CDC123: variants seen among roughly 807,000 people sequenced by gnomAD.
CDC123 encodes translation initiation factor eIF2 assembly protein.
Under a neutral mutation model 54.4 loss-of-function variants are expected in CDC123, and 37 were observed. The observed-to-expected ratio is 0.68, with a 90% CI of 0.52 to 0.89. The LOEUF is 0.89. Among genes scored for constraint, CDC123 ranks in the 40% least tolerant of loss-of-function variants. CDC123 has a pLI of 0.00. For synonymous variants in CDC123, 144 were observed against 136.8 expected (o/e 1.05, Z -0.37); for missense variants, 361 against 412.1 (o/e 0.88, Z 1.07).
chr10:12,230,475 G>C (rs886218652), intron 6 of CDC123, among the ~76,000 whole-genome samples: 1 of 152,202 alleles, frequency 6.6e-6, no homozygotes, highest in Non-Finnish European at 1.5e-5. Context: ...TTACAGGCAT[G>C]AACCACTGCA....
At chr10:12,214,819 T>A (rs1372373505) in intron 4 of CDC123, among the ~76,000 whole-genome samples, 1 of 152,150 alleles carries the variant, frequency 6.6e-6, no homozygotes, top group Admixed American at 6.5e-5. Flanking sequence ...AGGGAAGAAG[T>A]TGATTACTGG....
At chr10:12,213,273 G>C (rs1835626263) in intron 4 of CDC123, among the ~76,000 whole-genome samples, 1 of 152,218 alleles carries the variant, frequency 6.6e-6, no homozygotes, top group Admixed American at 6.5e-5. Context: ...AACCTTGTCA[G>C]TGATGGGACA....
intron 6 of CDC123, among the ~76,000 whole-genome samples, chr10:12,222,247 C>T (rs1016412446): frequency 6.6e-6 from 1 of 152,234 alleles, no homozygotes; most frequent in South Asian, 2.1e-4. Context: ...CTATAATGTA[C>T]TCTAGAAAAT....
intron 6 of CDC123, 26 bp downstream of exon 6, chr10:12,217,493 C>A: frequency 1.2e-6 from 2 of 1,604,908 alleles, no homozygotes; most frequent in Admixed American, 1.7e-5. Flanking sequence ...TCTCTCATGT[C>A]AATAGTTTCA....
intron 6 of CDC123, among the ~76,000 whole-genome samples, chr10:12,218,919 T>G (rs1311387021): frequency 6.6e-6 from 1 of 152,148 alleles, no homozygotes; most frequent in Non-Finnish European, 1.5e-5. Context: ...TTTTTCTAGG[T>G]TTTTCTTCCT....
At chr10:12,208,657 T>A (rs1387077831) in intron 2 of CDC123, among the ~76,000 whole-genome samples, 1 of 152,140 alleles carries the variant, frequency 6.6e-6, no homozygotes, top group Non-Finnish European at 1.5e-5. Context: ...CATTTTTCTG[T>A]CAATTGAGGG....
chr10:12,227,817 A>C (rs1000114906), intron 6 of CDC123, among the ~76,000 whole-genome samples: 1 of 152,138 alleles, frequency 6.6e-6, no homozygotes, highest in Admixed American at 6.5e-5. Context: ...TTCTTAAATA[A>C]TAGAAAACGT....
intron 2 of CDC123, among the ~76,000 whole-genome samples, chr10:12,200,292 AATTTTTGT>A (rs1370685682): frequency 6.6e-6 from 1 of 151,036 alleles, no homozygotes; most frequent in African/African-American, 2.4e-5. Flanking sequence ...ACATCCAGCT[AATTTTTGT>A]ATTTTTAGTA....
intron 6 of CDC123, among the ~76,000 whole-genome samples, chr10:12,225,748 T>C (rs1008060812): frequency 4.1e-4 from 5 of 12,254 alleles, no homozygotes; most frequent in South Asian, 4.0e-3. Flanking sequence ...GCTTCTCTCT[T>C]TTTTTTTTTT....
rs140614383 is a variant in CDC123 at position 12,206,694 on chromosome 10, T to C, written c.147-3273T>C. 7.0e-3 allele frequency among the ~76,000 whole-genome samples: 1,061 copies of C among 152,118 alleles called. 8 individuals are homozygous for C. The highest frequency in any genetic ancestry group is 8.4e-3 in the Non-Finnish European group (571 of 67,974). ...GGGCATGAGGTCAGATGCGGTGGCT[T>C]ATGCCTGTAATCCCAGTGCTTTAGG... On this transcript the variant is annotated intron_variant, in intron 2 of 12. Transcript: ENST00000281141.
intron 11 of CDC123, chr10:12,247,422 C>G (rs12098546): frequency 8.2e-6 from 1 of 121,816 alleles, no homozygotes; most frequent in Admixed American, 8.5e-5. Flanking sequence ...CCTCCCACTC[C>G]GGACACTGTG....
intron 6 of CDC123, among the ~76,000 whole-genome samples, chr10:12,221,727 TA>T (rs1835739145): frequency 6.6e-6 from 1 of 150,894 alleles, no homozygotes; most frequent in Non-Finnish European, 1.5e-5. Flanking sequence ...ATTTATTTAT[TA>T]AAATTTCATT....
At chr10:12,223,537 C>T (rs1302967054) in intron 6 of CDC123, among the ~76,000 whole-genome samples, 4 of 152,134 alleles carry the variant, frequency 2.6e-5, no homozygotes, top group East Asian at 3.9e-4. Flanking sequence ...CCACCTGCCT[C>T]GGCCTCCCAG....
chr10:12,240,825 A>G (rs542129193), intron 10 of CDC123, among the ~76,000 whole-genome samples: 1 of 152,296 alleles, frequency 6.6e-6, no homozygotes, highest in East Asian at 1.9e-4. Context: ...AGCCATGATC[A>G]TACATGTCAT....
At chr10:12,228,880 A>G (rs1835862821) in intron 6 of CDC123, among the ~76,000 whole-genome samples, 1 of 151,302 alleles carries the variant, frequency 6.6e-6, no homozygotes, top group South Asian at 2.1e-4. Flanking sequence ...ACGCCTGGCT[A>G]ATTTTTGTAT....
rs34125393 is a variant in CDC123, at chr10:12,218,247, CTTTTTTTTTTTTT to C, written c.440+785_440+797del. On this transcript the variant is annotated intron_variant, in intron 6 of 12. Transcript: ENST00000281141. ...CTATAGTTTGTATTTCTTTTTTTTT[CTTTTTTTTTTTTT>C]TTTTGAGGCAGGGTCTCACTCTGTC... Among the ~76,000 whole-genome samples, 4 of 119,212 alleles carry C rather than the reference CTTTTTTTTTTTTT, an allele frequency of 3.4e-5. No homozygotes were observed. The East Asian group carries it at 9.2e-4, about 27-fold the overall frequency. 78.2% of individuals were successfully genotyped at this position (119,212 alleles called of 152,430 possible).
chr10:12,198,559 T>G, intron 1 of CDC123, 146 bp from the exon 2 acceptor site: 3 of 630,042 alleles, frequency 4.8e-6, no homozygotes, highest in Non-Finnish European at 8.5e-6. Context: ...TGATTTCTTG[T>G]CTACTGCTAC....
At chr10:12,231,921 C>G (rs1835907131) in intron 7 of CDC123, among the ~76,000 whole-genome samples, 1 of 152,064 alleles carries the variant, frequency 6.6e-6, no homozygotes, top group South Asian at 2.1e-4. Flanking sequence ...TCTCAGCTCA[C>G]TGAAACCTCT....
At chr10:12,242,818 T>C (rs1235389973) in intron 10 of CDC123, among the ~76,000 whole-genome samples, 4 of 151,824 alleles carry the variant, frequency 2.6e-5, no homozygotes, top group Non-Finnish European at 4.4e-5. Flanking sequence ...GGCAGGCGCC[T>C]GTAATCCCAG....
Sources: gnomAD v4.1 joint callset for allele counts (sites outside exome capture counted in the v4.1 genomes callset) on GRCh38, gnomAD v4.1.1 for gene constraint, MANE v1.5 for transcripts, NCBI Gene and HGNC (gene_info 2026-07-23, HGNC 2026-07-21) for gene names.